AKAP13: variants seen among roughly 807,000 people sequenced by gnomAD.
The protein encoded by AKAP13 is A-kinase anchoring protein 13.
AKAP13 carries 80 observed loss-of-function variants against 264.5 expected under a neutral mutation model. The observed-to-expected ratio is 0.30, with a 90% CI of 0.25 to 0.36. The LOEUF (loss-of-function observed/expected upper bound fraction) is 0.36, where lower values mean the gene tolerates loss of function less well. Among genes scored for constraint, AKAP13 ranks in the 10% least tolerant of loss-of-function variants. AKAP13 has a pLI of 1.00. For synonymous variants in AKAP13, 1,380 were observed against 1,250.2 expected (o/e 1.10, Z -2.19); for missense variants, 3,712 against 3,435.2 (o/e 1.08, Z -2.01).
intron 8 of AKAP13, among the ~76,000 whole-genome samples, chr15:85,605,708 G>A (rs2080293701): frequency 6.6e-6 from 1 of 152,124 alleles, no homozygotes; most frequent in Admixed American, 6.6e-5. Flanking sequence ...AAATCAATAT[G>A]TATTTAGACA....
intron 10 of AKAP13, among the ~76,000 whole-genome samples, chr15:85,649,480 C>A (rs1028710826): frequency 1.3e-5 from 2 of 152,220 alleles, no homozygotes; most frequent in South Asian, 2.1e-4. Flanking sequence ...CAGGTTCTAA[C>A]CCTCTTCTCC....
At position 85,730,621 on chromosome 15, in the gene AKAP13, C is replaced by G; in HGVS notation, c.7196C>G (p.Pro2399Arg). 1 of 1,614,140 alleles carries G rather than the reference C, an allele frequency of 6.2e-7. No homozygotes were observed. The highest frequency in any genetic ancestry group is 2.2e-5 in the East Asian group (1 of 44,872). ...ACCCCTCTCCCAGAGGATTGCTCCC[C>G]AACACATAGCCCTAGAGTTCTCTTC... ...CSTPLPEDCSPTHSPRVLFRS... is the reference protein window; with the variant it reads ...CSTPLPEDCSRTHSPRVLFRS... The change falls in exon 30 of 37, where the codon CCA becomes CGA. Residue 2399 changes from proline to arginine, a missense_variant. Physicochemically the swap from Pro to Arg is moderately radical, Grantham distance 103. Coordinates refer to ENST00000394518, the MANE Select transcript of AKAP13 (RefSeq NM_007200.5).
At chr15:85,451,774 C>A (rs1480748428) in intron 1 of AKAP13, among the ~76,000 whole-genome samples, 1 of 152,226 alleles carries the variant, frequency 6.6e-6, no homozygotes, top group Non-Finnish European at 1.5e-5. Context: ...GTGACCTGCT[C>A]TTTTTCCCTA....
rs2085457987 is a variant in AKAP13, at chr15:85,694,432, A to G, written c.5464+981A>G. Among the ~76,000 whole-genome samples, 2 of 152,272 alleles carry G rather than the reference A, an allele frequency of 1.3e-5. 1 individual carries two copies. Among genetic ancestry groups the G allele is most frequent in the Admixed American group, 1.3e-4 (2 of 15,290 alleles). On this transcript the variant is annotated intron_variant, in intron 17 of 36. Transcript: ENST00000394518. ...CAGTGCAAAAGCAGCCGTAAGCAAT[A>G]CATAAACCAATGAGTGTGATTCCAA...
At chr15:85,399,841 A>G (rs1263196705) in intron 1 of AKAP13, among the ~76,000 whole-genome samples, 1 of 152,236 alleles carries the variant, frequency 6.6e-6, no homozygotes, top group Non-Finnish European at 1.5e-5. Context: ...GATAAGATTT[A>G]GAGATGCTGA....
intron 1 of AKAP13, among the ~76,000 whole-genome samples, chr15:85,411,681 C>T (rs2071978050): frequency 6.6e-6 from 1 of 152,216 alleles, no homozygotes; most frequent in African/African-American, 2.4e-5. Flanking sequence ...TCGTGATCCG[C>T]CTGCCTCGGC....
chr15:85,501,818 T>G (rs1242429246), intron 2 of AKAP13, among the ~76,000 whole-genome samples: 2 of 152,228 alleles, frequency 1.3e-5, no homozygotes, highest in African/African-American at 4.8e-5. Flanking sequence ...GTGTCAGCGT[T>G]TAACCCTGCA....
intron 17 of AKAP13, among the ~76,000 whole-genome samples, chr15:85,697,007 G>A (rs912315903): frequency 3.3e-5 from 5 of 152,302 alleles, no homozygotes; most frequent in African/African-American, 1.2e-4. Flanking sequence ...TACACCGTCT[G>A]TATGTGCTAG....
chr15:85,542,493 G>A (rs997098497), intron 4 of AKAP13, among the ~76,000 whole-genome samples: 3 of 152,198 alleles, frequency 2.0e-5, no homozygotes, highest in African/African-American at 7.2e-5. Context: ...AGAAGCATTT[G>A]AGGACTTCAC....
intron 8 of AKAP13, among the ~76,000 whole-genome samples, chr15:85,615,870 G>A (rs1023723926): frequency 1.3e-5 from 2 of 152,158 alleles, no homozygotes; most frequent in Non-Finnish European, 2.9e-5. Flanking sequence ...ATGACCTAGC[G>A]TTGAATCTCT....
chr15:85,658,946 T>A (rs2083219104), intron 12 of AKAP13, among the ~76,000 whole-genome samples: 1 of 150,876 alleles, frequency 6.6e-6, no homozygotes, highest in East Asian at 1.9e-4. Context: ...TGGGGAGTAC[T>A]TTTTTTTTCT....
chr15:85,670,167 A>G (rs1340854311), intron 14 of AKAP13, among the ~76,000 whole-genome samples: 2 of 152,174 alleles, frequency 1.3e-5, no homozygotes, highest in African/African-American at 4.8e-5. Flanking sequence ...AAATAGTACA[A>G]AGTATTCCCA....
intron 14 of AKAP13, among the ~76,000 whole-genome samples, chr15:85,674,576 G>C (rs886780748): frequency 3.3e-5 from 5 of 152,122 alleles, no homozygotes; most frequent in African/African-American, 1.2e-4. Context: ...AGTTTCTTAA[G>C]CATGTTGTGA....
At chr15:85,591,733 C>T (rs2151332233) in intron 8 of AKAP13, among the ~76,000 whole-genome samples, 1 of 152,296 alleles carries the variant, frequency 6.6e-6, no homozygotes, top group Non-Finnish European at 1.5e-5. Flanking sequence ...GATCTTTTCT[C>T]TTCAAGATAT....
At chr15:85,674,271 G>T (rs758367344) in intron 14 of AKAP13, among the ~76,000 whole-genome samples, 12 of 152,138 alleles carry the variant, frequency 7.9e-5, no homozygotes, top group Non-Finnish European at 1.6e-4. Context: ...CCAACATGAT[G>T]CCACAAGTGG....
rs1027487979 is a variant in AKAP13 at position 85,498,100 on chromosome 15, A to G, written c.33+12347A>G. On this transcript the variant is annotated intron_variant, in intron 2 of 36. Transcript: ENST00000394518. ...ACAGAGGGAGAATGGTGTAGCATCAATGAGCAAACAGTTTGGAGGAGGAGC... is the reference window on the plus strand; with the variant it reads ...ACAGAGGGAGAATGGTGTAGCATCAGTGAGCAAACAGTTTGGAGGAGGAGC... Among the ~76,000 whole-genome samples, 11 of 151,820 alleles carry G rather than the reference A, an allele frequency of 7.2e-5. No individual in the cohort carries two copies. The South Asian group carries it at 2.1e-3, about 29-fold the overall frequency.
chr15:85,601,501 C>T (rs1370785495), intron 8 of AKAP13, among the ~76,000 whole-genome samples: 1 of 151,996 alleles, frequency 6.6e-6, no homozygotes, highest in Non-Finnish European at 1.5e-5. Flanking sequence ...TATCCTTTTC[C>T]CCCAAAATAA....
chr15:85,571,785 AC>A (rs2078827164), intron 5 of AKAP13, among the ~76,000 whole-genome samples: 2 of 152,334 alleles, frequency 1.3e-5, no homozygotes, highest in East Asian at 3.9e-4. Flanking sequence ...GATGGGACTT[AC>A]CCAGACCTGT....
At chr15:85,623,368 A>G (rs1306320580) in intron 8 of AKAP13, among the ~76,000 whole-genome samples, 1 of 152,248 alleles carries the variant, frequency 6.6e-6, no homozygotes, top group Non-Finnish European at 1.5e-5. Flanking sequence ...TACAGAGTTT[A>G]AATTGTGAGC....
Sources: allele counts gnomAD v4.1 joint callset (sites outside exome capture counted in the v4.1 genomes callset), GRCh38; gene constraint gnomAD v4.1.1; transcripts MANE v1.5; gene names NCBI Gene and HGNC (gene_info 2026-07-23, HGNC 2026-07-21).